The following OR51M1 variants were observed in gnomAD, a reference collection of about 807,000 sequenced individuals.
The protein encoded by OR51M1 is olfactory receptor 51M1.
For synonymous variants in OR51M1, 199 were observed against 155.1 expected (o/e 1.28, Z -2.10); for missense variants, 509 against 404.4 (o/e 1.26, Z -2.22).
In OR51M1 at chr11:5,393,116, A is replaced by T. The variant is rs913861732; in HGVS notation, c.*2737A>T. ...TGTCCTAAATAAATGATAAATTAAA[A>T]ATTTAGGATGTAAGCTGTTTGTGGC... On this transcript the variant is annotated 3_prime_UTR_variant, in exon 3 of 3. Coordinates refer to ENST00000642046, the MANE Select transcript of OR51M1 (RefSeq NM_001004756.3). 2 of 152,200 alleles carry T rather than the reference A, an allele frequency of 1.3e-5. No individual in the cohort carries two copies. The highest frequency in any genetic ancestry group is 2.9e-5 in the Non-Finnish European group (2 of 68,034). 9.4% of individuals were successfully genotyped at this position (152,200 alleles called of 1,614,324 possible).
chr11:5,390,275 C>G lies in OR51M1; in HGVS notation c.877C>G (p.Leu293Val). The change falls in exon 3 of 3, where the codon CTT (leucine) becomes GTT (valine). Residue 293 changes from leucine (L) to valine (V), a missense_variant. Leu to Val is a conservative substitution (Grantham distance 32). Coordinates refer to ENST00000642046, the MANE Select transcript of OR51M1 (RefSeq NM_001004756.3). ...AIHLLMANVY[L>V]FVPPMLNPII... ...TCATCTTCTTATGGCCAATGTCTAC[C>G]TTTTTGTGCCTCCCATGCTTAACCC... The G allele has an allele frequency of 1.2e-6, 2 of 1,613,980 alleles. No homozygotes were observed. The highest frequency in any genetic ancestry group is 2.2e-5 in the South Asian group (2 of 91,076).
In OR51M1 at chr11:5,390,620, G is replaced by A; in HGVS notation, c.*241G>A. ...TTGGTAGCATCAAAGCTATCCAGAA[G>A]GCAACTTTATTGAAGGTCATCATCA... is the stretch of plus-strand genomic sequence containing the variant. On this transcript the variant is annotated 3_prime_UTR_variant, in exon 3 of 3. Transcript: ENST00000642046. 2.2e-6 allele frequency: 1 copy of A among 446,752 alleles called. No individual in the cohort carries two copies. Among genetic ancestry groups the A allele is most frequent in the Non-Finnish European group, 3.9e-6 (1 of 254,130 alleles). 27.7% of individuals were successfully genotyped at this position (446,752 alleles called of 1,614,324 possible).
chr11:5,389,966 T>C lies in OR51M1; in HGVS notation c.568T>C (p.Phe190Leu). ...YCGSVVLSHS[F>L]CLHQEVIQLA... is the part of the protein sequence containing the mutation. ...TGGATCTGTGGTCCTCTCCCACTCA[T>C]TTTGCCTGCACCAGGAAGTGATACA... The change falls in exon 3 of 3, where the codon TTT becomes CTT. Residue 190 changes from phenylalanine to leucine, a missense_variant. Transcript: ENST00000642046. 1 of 1,611,930 alleles carries C rather than the reference T, an allele frequency of 6.2e-7. No homozygotes were observed. Among genetic ancestry groups the C allele is most frequent in the Non-Finnish European group, 8.5e-7 (1 of 1,179,876 alleles).
rs763348944 is a variant in OR51M1 at position 5,390,084 on chromosome 11, C to T, written c.686C>T (p.Ser229Phe). 52 of 1,613,642 alleles carry T rather than the reference C, an allele frequency of 3.2e-5. No homozygotes were observed. In the Middle Eastern group the frequency reaches 6.6e-4, roughly 20 times the overall value. Residue 229 changes from serine (S) to phenylalanine (F), a missense_variant, in exon 3 of 3, where the codon TCC (serine) becomes TTC (phenylalanine). Coordinates refer to ENST00000642046, the MANE Select transcript of OR51M1 (RefSeq NM_001004756.3). ...VMLDLVLIAL[S>F]YGLILHTVAG... is the part of the protein sequence containing the mutation. ...CTGGACCTGGTGCTCATCGCACTGT[C>T]CTATGGACTCATCCTGCACACAGTA...
Position 5,389,981 on chromosome 11 carries a change from G to A in OR51M1, c.583G>A (p.Glu195Lys). 2 of 1,612,522 alleles carry A rather than the reference G, an allele frequency of 1.2e-6. No individual in the cohort carries two copies. Among genetic ancestry groups the A allele is most frequent in the South Asian group, 2.2e-5 (2 of 91,084 alleles). ...VLSHSFCLHQ[E>K]VIQLACTDIT... ...CTCCCACTCATTTTGCCTGCACCAGGAAGTGATACAGCTGGCCTGCACAGA... is the reference window on the plus strand; with the variant it reads ...CTCCCACTCATTTTGCCTGCACCAGAAAGTGATACAGCTGGCCTGCACAGA... The change falls in exon 3 of 3, where the codon GAA becomes AAA. Residue 195 changes from glutamate to lysine, a missense_variant. Glu to Lys is a moderately conservative substitution (Grantham distance 56, BLOSUM62 1). Transcript: ENST00000642046.
At chr11:5,384,674 C>T (rs11037137) in intron 1 of OR51M1, among the ~76,000 whole-genome samples, 1 of 152,126 alleles carries the variant, frequency 6.6e-6, no homozygotes, top group Non-Finnish European at 1.5e-5. Context: ...TTACTCTCAT[C>T]AGAAAAACAG....
At chr11:5,384,484 C>T (rs565219729) in intron 1 of OR51M1, among the ~76,000 whole-genome samples, 8 of 152,236 alleles carry the variant, frequency 5.3e-5, no homozygotes, top group South Asian at 2.1e-4. Flanking sequence ...GGAAAAGAGG[C>T]GAGCTCATCT....
intron 1 of OR51M1, among the ~76,000 whole-genome samples, chr11:5,384,427 C>T (rs1564795226): frequency 6.6e-6 from 1 of 152,158 alleles, no homozygotes. Flanking sequence ...AGTCTATGCA[C>T]AGAACCAGAG....
chr11:5,389,530 C>G lies in OR51M1; in HGVS notation c.132C>G (p.Phe44Leu). Residue 44 changes from phenylalanine to leucine, a missense_variant, in exon 3 of 3, where the codon TTC (phenylalanine) becomes TTG (leucine). By Grantham distance (22) the Phe-to-Leu change is conservative. Transcript: ENST00000642046. ...GIKHWIFIPF[F>L]FMYMVAISGN... ...AACACTGGATTTTCATCCCCTTTTT[C>G]TTTATGTACATGGTTGCCATCTCAG... 1 of 1,613,950 alleles carries G rather than the reference C, an allele frequency of 6.2e-7. No homozygotes were observed. The highest frequency in any genetic ancestry group is 8.5e-7 in the Non-Finnish European group (1 of 1,179,862).
Position 5,390,166 on chromosome 11 carries a change from T to A in OR51M1, c.768T>A (p.Pro256=). 1 of 1,613,924 alleles carries A rather than the reference T, an allele frequency of 6.2e-7. No individual in the cohort carries two copies. The change falls in exon 3 of 3, where the codon CCT becomes CCA. Residue 256 remains proline, a synonymous_variant. Coordinates refer to ENST00000642046, the MANE Select transcript of OR51M1 (RefSeq NM_001004756.3). ...QRRAFQTCTA[P]LCAVLVFFVP... ...GTGCCTTTCAGACATGCACCGCTCCTCTCTGTGCTGTGCTAGTATTCTTTG... is the reference window on the plus strand; with the variant it reads ...GTGCCTTTCAGACATGCACCGCTCCACTCTGTGCTGTGCTAGTATTCTTTG...
intron 2 of OR51M1, among the ~76,000 whole-genome samples, chr11:5,387,079 T>C (rs1415768279): frequency 2.0e-5 from 3 of 152,034 alleles, no homozygotes; most frequent in African/African-American, 7.2e-5. Context: ...TAAGTAATAA[T>C]AATAATAGAT....
At position 5,386,090 on chromosome 11, in the gene OR51M1, CAGA is replaced by C. The variant is rs1849691895; in HGVS notation, c.-16+638_-16+640del. 2.0e-5 allele frequency among the ~76,000 whole-genome samples: 3 copies of C among 152,084 alleles called. No individual in the cohort carries two copies. In the South Asian group the frequency reaches 6.2e-4, roughly 32 times the overall value. ...CAGAAGGAAGTCAGGAGAGATTTGA[CAGA>C]AGAAGTGATATTTGTACTAAGTCTT... On this transcript the variant is annotated intron_variant, in intron 2 of 2. Transcript: ENST00000642046.
chr11:5,385,471 T>C lies in OR51M1; in HGVS notation c.-16+13T>C, dbSNP rs1021487450. The C allele has an allele frequency of 6.6e-6, 1 of 151,148 alleles. No homozygotes were observed. Among genetic ancestry groups the C allele is most frequent in the Non-Finnish European group, 1.5e-5 (1 of 67,872 alleles). The allele number at this position is 151,148 out of a possible 1,614,324, so 9.4% of individuals were successfully genotyped here. ...ATCAGGATAAGAGGTGAGTACTTTA[T>C]TTATTCACCCATTTAGTTTTTCATG... is the stretch of plus-strand genomic sequence containing the variant. On this transcript the variant is annotated intron_variant, in intron 2 of 2. Transcript: ENST00000642046.
intron 1 of OR51M1, among the ~76,000 whole-genome samples, chr11:5,384,590 G>T (rs1849656601): frequency 6.6e-6 from 1 of 152,240 alleles, no homozygotes; most frequent in Non-Finnish European, 1.5e-5. Flanking sequence ...ATCATGTCTA[G>T]AAGTCAGGAT....
chr11:5,385,770 GAC>G (rs1197157381), intron 2 of OR51M1, among the ~76,000 whole-genome samples: 2 of 147,518 alleles, frequency 1.4e-5, no homozygotes, highest in South Asian at 2.1e-4. Context: ...TAAATATACA[GAC>G]ACATATATGT....
chr11:5,389,454 A>C lies in OR51M1; in HGVS notation c.56A>C (p.Gln19Pro), dbSNP rs1034767955. The C allele has an allele frequency of 9.3e-6, 15 of 1,613,742 alleles. No homozygotes were observed. The Middle Eastern group carries it at 4.9e-4, about 53-fold the overall frequency. The change falls in exon 3 of 3, where the codon CAG becomes CCG. Residue 19 changes from glutamine to proline, a missense_variant. Transcript: ENST00000642046. ...PQFMLLSNIT[Q>P]FSPIFYLTSF... ...TTCATGCTGCTATCCAACATTACTC[A>C]GTTTAGCCCCATATTCTATCTCACC...
intron 2 of OR51M1, 57 bp from the exon 3 acceptor site, chr11:5,389,327 T>C (rs553358581): frequency 3.1e-5 from 44 of 1,415,188 alleles, no homozygotes; most frequent in Non-Finnish European, 3.5e-5. Flanking sequence ...GCTTGTGATG[T>C]TGTGAATGTT....
intron 2 of OR51M1, among the ~76,000 whole-genome samples, chr11:5,387,955 G>C (rs1849725742): frequency 6.6e-6 from 1 of 152,004 alleles, no homozygotes; most frequent in Non-Finnish European, 1.5e-5. Flanking sequence ...TGTATTTTCA[G>C]TACCTAGGTG....
At position 5,390,438 on chromosome 11, in the gene OR51M1, A is replaced by T; in HGVS notation, c.*59A>T. On this transcript the variant is annotated 3_prime_UTR_variant, in exon 3 of 3. Transcript: ENST00000642046. The stretch of plus-strand genomic sequence containing the variant: ...AAGAAGGCCCCAAATTGGACTGAAA[A>T]TTTGGAGTATTGAGTATATAGCATG... The T allele has an allele frequency of 7.1e-7, 1 of 1,414,954 alleles. No individual in the cohort carries two copies. The highest frequency in any genetic ancestry group is 1.4e-5 in the South Asian group (1 of 69,810). The allele number at this position is 1,414,954 out of a possible 1,614,324, so 87.6% of individuals were successfully genotyped here. A position where few individuals can be genotyped will look rare whatever the true frequency, so the allele number is the denominator to read the frequency against.
Sources: allele counts gnomAD v4.1 joint callset (sites outside exome capture counted in the v4.1 genomes callset), GRCh38; gene constraint gnomAD v4.1.1; transcripts MANE v1.5; gene names NCBI Gene and HGNC (gene_info 2026-07-23, HGNC 2026-07-21).